PHIP: variants seen among roughly 807,000 people sequenced by gnomAD.
PHIP encodes the protein PHIP subunit of CUL4-Ring ligase complex, also known as PH-interacting protein.
In PHIP, 54 loss-of-function variants were observed where a neutral mutation model predicts 236.8. The observed-to-expected ratio is 0.23, with a 90% CI of 0.18 to 0.29. PHIP has a LOEUF of 0.29. Among genes scored for constraint, PHIP ranks in the 10% least tolerant of loss-of-function variants. The pLI is 1.00. For synonymous variants in PHIP, 756 were observed against 718.9 expected, an observed-to-expected ratio of 1.05 and a Z score of -0.83; for missense variants, 1,370 against 2,190.8, an observed-to-expected ratio of 0.63 and a Z score of 7.48.
rs1466674577 is a variant in PHIP at position 78,946,762 on chromosome 6, C to T, written c.4319G>A (p.Arg1440Lys). The T allele has an allele frequency of 1.3e-6, 2 of 1,590,860 alleles. No individual in the cohort carries two copies. Among genetic ancestry groups the T allele is most frequent in the South Asian group, 2.3e-5 (2 of 87,046 alleles). ...RFHKRNTITK[R>K]RKKRNRSSSV... ...GCTGCTTCTGTTTCTTTTCTTCCTC[C>T]TTTTGGTTATGGTATTTCTTTTATG... The change falls in exon 37 of 40, where the codon AGG (arginine) becomes AAG (lysine). Residue 1440 changes from arginine to lysine, a missense_variant. This residue lies in a region of PHIP where 125 missense variants were observed against 235.1 expected (regional missense o/e 0.53). Transcript: ENST00000275034.
intron 4 of PHIP, among the ~76,000 whole-genome samples, chr6:79,061,069 C>T (rs567978431): frequency 1.3e-5 from 2 of 152,272 alleles, no homozygotes; most frequent in African/African-American, 4.8e-5. Flanking sequence ...AAAATTCCAA[C>T]TGCTGCTTTA....
rs70937076 is a variant in PHIP at position 79,016,791 on chromosome 6, A to C, written c.1137-149T>G. ...TTCTGAAACTTTATGGGCTTTTTAG[A>C]ATTTTATATGCAAACATTCCAATTT... On this transcript the variant is annotated intron_variant, in intron 12 of 39. Coordinates refer to ENST00000275034, the MANE Select transcript of PHIP (RefSeq NM_017934.7). 1.0e-3 allele frequency: 523 copies of C among 511,168 alleles called. 7 individuals are homozygous for C. In the East Asian group the frequency reaches 0.014, roughly 14 times the overall value. The allele number at this position is 511,168 out of a possible 1,614,324, so 31.7% of individuals were successfully genotyped here.
chr6:78,946,727 T>C lies in PHIP; in HGVS notation c.4354A>G (p.Ser1452Gly), dbSNP rs1270318198. 5 of 1,578,018 alleles carry C rather than the reference T, an allele frequency of 3.2e-6. No homozygotes were observed. Among genetic ancestry groups the C allele is most frequent in the Non-Finnish European group, 4.3e-6 (5 of 1,168,832 alleles). Reference protein sequence around the residue: ...KKRNRSSSVSSSAASSPERKK... With the variant: ...KKRNRSSSVSGSAASSPERKK... ...ATTAAATACCTTGATGCAGCACTACTGGAAACAGAGCTGCTTCTGTTTCTT... is the reference window on the plus strand; with the variant it reads ...ATTAAATACCTTGATGCAGCACTACCGGAAACAGAGCTGCTTCTGTTTCTT... Residue 1452 changes from serine (S) to glycine (G), a missense_variant, in exon 37 of 40, where the codon AGT becomes GGT. By Grantham distance (56) the Ser-to-Gly change is moderately conservative (BLOSUM62 0). Coordinates refer to ENST00000275034, the MANE Select transcript of PHIP (RefSeq NM_017934.7).
rs1773249593 is a variant in PHIP, at chr6:78,935,639, T to C, written c.*5054A>G. ...GGCATATAAGTTTTTGACCTTCAGT[T>C]GTTTTGGAATTAAATTACATTTCGG... is the stretch of plus-strand genomic sequence containing the variant. On this transcript the variant is annotated 3_prime_UTR_variant, in exon 40 of 40. Transcript: ENST00000275034. The C allele has an allele frequency of 5.1e-6, 5 of 982,884 alleles. No individual in the cohort carries two copies. The highest frequency in any genetic ancestry group is 1.7e-5 in the African/African-American group (1 of 57,184). The allele number at this position is 982,884 out of a possible 1,614,324, so 60.9% of individuals were successfully genotyped here. A position where few individuals can be genotyped will look rare whatever the true frequency, so the allele number is the denominator to read the frequency against.
At chr6:78,950,902 T>C (rs1455409688) in intron 35 of PHIP, among the ~76,000 whole-genome samples, 1 of 152,164 alleles carries the variant, frequency 6.6e-6, no homozygotes, top group Non-Finnish European at 1.5e-5. Context: ...TTTACTCTTC[T>C]TTCTCTAGGT....
chr6:78,995,230 T>C (rs1399735645), intron 19 of PHIP, among the ~76,000 whole-genome samples: 2 of 152,246 alleles, frequency 1.3e-5, no homozygotes, highest in African/African-American at 4.8e-5. Context: ...TAGTAGTCCA[T>C]GGTGTGAATA....
intron 39 of PHIP, among the ~76,000 whole-genome samples, chr6:78,941,982 C>T (rs118027602): frequency 0.027 from 4,048 of 152,142 alleles, 71 homozygotes; most frequent in Non-Finnish European, 0.04. Flanking sequence ...AATGCTATAA[C>T]TTAGATAAAG....
At chr6:79,004,325 G>C (rs189881899) in intron 15 of PHIP, 5 of 763,356 alleles carry the variant, frequency 6.6e-6, no homozygotes, top group Non-Finnish European at 8.0e-6. Flanking sequence ...AGTCTGACTC[G>C]TCTTTTAAAT....
In PHIP at chr6:79,034,169, T is replaced by C. The variant is rs923477503; in HGVS notation, c.601-8005A>G. On this transcript the variant is annotated intron_variant, in intron 7 of 39. Coordinates refer to ENST00000275034, the MANE Select transcript of PHIP (RefSeq NM_017934.7). The stretch of plus-strand genomic sequence containing the variant: ...TGAGCATATGTTGTTAGAAAAATGA[T>C]GCTGACAGACTTGCTTTACTCAGGG... Among the ~76,000 whole-genome samples the C allele has an allele frequency of 3.3e-5, 5 of 152,206 alleles. No homozygotes were observed. In the East Asian group the frequency reaches 7.7e-4, roughly 23 times the overall value.
At chr6:78,998,202 TA>T in intron 18 of PHIP, 51 bp downstream of exon 18, 2 of 1,449,996 alleles carry the variant, frequency 1.4e-6, no homozygotes, top group Admixed American at 3.4e-5. Context: ...GTGGGAGATT[TA>T]GGCTGTTTCA....
chr6:78,987,201 A>G (rs1011657701), intron 21 of PHIP, among the ~76,000 whole-genome samples: 2 of 152,108 alleles, frequency 1.3e-5, no homozygotes, highest in African/African-American at 2.4e-5. Flanking sequence ...AATAAACAGA[A>G]TATTTTAAAT....
intron 3 of PHIP, 92 bp from the exon 4 acceptor site, chr6:79,077,599 G>T: frequency 1.4e-6 from 1 of 712,058 alleles, no homozygotes; most frequent in Non-Finnish European, 1.7e-6. Context: ...CGGGGACCCC[G>T]AGCCCCGCGC....
chr6:79,065,199 C>G (rs1773566500), intron 4 of PHIP, among the ~76,000 whole-genome samples: 1 of 152,162 alleles, frequency 6.6e-6, no homozygotes, highest in Non-Finnish European at 1.5e-5. Flanking sequence ...CACTCATGCC[C>G]CATTCAAATC....
Position 78,954,899 on chromosome 6 carries a change from T to C in PHIP, c.3968A>G (p.Lys1323Arg), listed in dbSNP as rs1766310656. The change falls in exon 35 of 40, where the codon AAA becomes AGA. Residue 1323 changes from lysine to arginine, a missense_variant. Physicochemically the swap from Lys to Arg is conservative, Grantham distance 26. Around this residue, in one of 14 missense-constraint regions of PHIP, gnomAD observed 125 missense variants for 235.1 expected, o/e 0.53. Coordinates refer to ENST00000275034, the MANE Select transcript of PHIP (RefSeq NM_017934.7). ...GAGATTTAACAATTCTTCACACTGT[T>C]TCTTCCATGCTTGAATATCGTAAGA... Reference protein sequence around the residue: ...AQSYDIQAWKKQCEELLNLIF... With the variant: ...AQSYDIQAWKRQCEELLNLIF... 1 of 1,587,238 alleles carries C rather than the reference T, an allele frequency of 6.3e-7. No individual in the cohort carries two copies. Among genetic ancestry groups the C allele is most frequent in the Admixed American group, 1.9e-5 (1 of 53,544 alleles).
At chr6:79,015,603 C>T (rs749292796) in intron 14 of PHIP, 27 bp downstream of exon 14, 2 of 1,523,110 alleles carry the variant, frequency 1.3e-6, no homozygotes, top group Non-Finnish European at 1.8e-6. Context: ...TCAGTTATAT[C>T]AAATAAAGAT....
chr6:79,009,343 C>A (rs1770456122), intron 15 of PHIP, among the ~76,000 whole-genome samples: 1 of 151,994 alleles, frequency 6.6e-6, no homozygotes, highest in African/African-American at 2.4e-5. Context: ...TTATAAAATT[C>A]ATTCTCTTTC....
intron 4 of PHIP, among the ~76,000 whole-genome samples, chr6:79,070,734 A>G (rs1421652157): frequency 3.3e-5 from 5 of 152,210 alleles, no homozygotes; most frequent in African/African-American, 1.2e-4. Context: ...AAACTGGCAC[A>G]GTATTTTCGT....
chr6:79,010,482 T>C (rs1341181455), intron 15 of PHIP, among the ~76,000 whole-genome samples: 1 of 140,220 alleles, frequency 7.1e-6, no homozygotes, highest in Non-Finnish European at 1.6e-5. Context: ...TAAAAACTTA[T>C]TTGGAATTTA....
intron 6 of PHIP, among the ~76,000 whole-genome samples, chr6:79,058,773 C>T (rs1773202236): frequency 6.6e-6 from 1 of 152,140 alleles, no homozygotes; most frequent in African/African-American, 2.4e-5. Flanking sequence ...ATCATTCTTA[C>T]ACTTTCATTA....
Sources: gnomAD v4.1 joint callset for allele counts (sites outside exome capture counted in the v4.1 genomes callset) on GRCh38, gnomAD v4.1.1 for gene constraint, gnomAD v4.1.1 regional missense constraint, MANE v1.5 for transcripts, NCBI Gene and HGNC (gene_info 2026-07-23, HGNC 2026-07-21) for gene names.